The following MACC1 variants were observed in gnomAD, a reference collection of about 807,000 sequenced individuals.
The protein encoded by MACC1 is metastasis-associated in colon cancer protein 1.
In MACC1, 79 loss-of-function variants were observed where a neutral mutation model predicts 70.7. The observed-to-expected ratio is 1.12, with a 90% CI of 0.93 to 1.35. The LOEUF is 1.35. Ranked by LOEUF, MACC1 falls within the 40% of genes most tolerant of loss-of-function variation. MACC1 has a pLI of 0.00. For missense variants in MACC1, 1,106 were observed against 978.1 expected (o/e 1.13, Z -1.74); for synonymous variants, 361 against 347.2 (o/e 1.04, Z -0.44).
rs117748626 is a variant in MACC1, at chr7:20,214,379, T to C, written c.-218+2920A>G. On this transcript the variant is annotated intron_variant, in intron 1 of 6. Transcript: ENST00000400331. ...CACTTCCTAATTCTTGTGCTTGATA[T>C]TCCCCCTACTTCAGTGTTTCCCAAA... Among the ~76,000 whole-genome samples the C allele has an allele frequency of 4.8e-3, 732 of 152,308 alleles. 3 individuals are homozygous for C. The highest frequency in any genetic ancestry group is 0.034 in the Middle Eastern group (10 of 294).
intron 4 of MACC1, among the ~76,000 whole-genome samples, chr7:20,161,403 C>G (rs1056901197): frequency 2.0e-5 from 3 of 152,040 alleles, no homozygotes; most frequent in South Asian, 2.1e-4. Context: ...CCCTAACTCT[C>G]TTAAAACTTA....
At chr7:20,192,603 T>C (rs1363371208) in intron 1 of MACC1, among the ~76,000 whole-genome samples, 5 of 152,122 alleles carry the variant, frequency 3.3e-5, no homozygotes, top group Non-Finnish European at 7.4e-5. Context: ...AGTAGAAGAA[T>C]CACCCAGAGA....
chr7:20,189,287 C>A (rs954739493), intron 1 of MACC1, among the ~76,000 whole-genome samples: 1 of 152,128 alleles, frequency 6.6e-6, no homozygotes, highest in Admixed American at 6.6e-5. Flanking sequence ...TATTTTATGT[C>A]CTATCTCACC....
Position 20,137,359 on chromosome 7 carries a change from T to A in MACC1, c.*3587A>T, listed in dbSNP as rs1781732383. 6.6e-6 allele frequency: 1 copy of A among 152,224 alleles called. No individual in the cohort carries two copies. Among genetic ancestry groups the A allele is most frequent in the Non-Finnish European group, 1.5e-5 (1 of 68,034 alleles). The allele number at this position is 152,224 out of a possible 1,614,324, so 9.4% of individuals were successfully genotyped here. ...AGAACTTTATATAGTATGTTCTACATTACAGGCCATGAAAATGTGCTGTAT... is the reference window on the plus strand; with the variant it reads ...AGAACTTTATATAGTATGTTCTACAATACAGGCCATGAAAATGTGCTGTAT... On this transcript the variant is annotated 3_prime_UTR_variant, in exon 7 of 7. Coordinates refer to ENST00000400331, the MANE Select transcript of MACC1 (RefSeq NM_182762.4).
intron 1 of MACC1, among the ~76,000 whole-genome samples, chr7:20,190,097 C>T (rs532506031): frequency 3.9e-5 from 6 of 152,270 alleles, no homozygotes; most frequent in African/African-American, 1.4e-4. Flanking sequence ...CTAATTCTGT[C>T]ACAATGGAAT....
intron 1 of MACC1, among the ~76,000 whole-genome samples, chr7:20,199,825 CAG>C (rs376882158): frequency 5.5e-4 from 83 of 152,128 alleles, no homozygotes; most frequent in African/African-American, 2.0e-3. Flanking sequence ...AAAGTAAAAA[CAG>C]ATATCTTAAA....
intron 1 of MACC1, among the ~76,000 whole-genome samples, chr7:20,205,027 G>A (rs978243898): frequency 4.6e-5 from 7 of 151,830 alleles, no homozygotes; most frequent in African/African-American, 1.2e-4. Flanking sequence ...AGCAAGTTTC[G>A]GTAAATTTTT....
At chr7:20,193,609 C>T (rs1425901395) in intron 1 of MACC1, among the ~76,000 whole-genome samples, 2 of 152,124 alleles carry the variant, frequency 1.3e-5, no homozygotes, top group African/African-American at 4.8e-5. Flanking sequence ...TTATAAGAGA[C>T]ACCCTGTCAA....
chr7:20,160,757 T>C (rs774341444), intron 4 of MACC1, among the ~76,000 whole-genome samples: 5 of 152,092 alleles, frequency 3.3e-5, no homozygotes, highest in Non-Finnish European at 7.4e-5. Flanking sequence ...AAATATCAAA[T>C]ACATCTGTTA....
chr7:20,195,778 C>A (rs1313517648), intron 1 of MACC1, among the ~76,000 whole-genome samples: 1 of 152,116 alleles, frequency 6.6e-6, no homozygotes, highest in African/African-American at 2.4e-5. Flanking sequence ...CATCTTGAGG[C>A]CAATGCTTCT....
chr7:20,194,810 T>C (rs1046603461), intron 1 of MACC1, among the ~76,000 whole-genome samples: 16 of 152,362 alleles, frequency 1.1e-4, no homozygotes, highest in Non-Finnish European at 2.2e-4. Flanking sequence ...CCTAGTTTTA[T>C]GCCTAAATCA....
intron 1 of MACC1, among the ~76,000 whole-genome samples, chr7:20,191,071 A>G (rs377356359): frequency 7.2e-5 from 11 of 152,218 alleles, no homozygotes; most frequent in African/African-American, 2.4e-4. Context: ...CATATCTGCA[A>G]AAGACTAGCA....
intron 6 of MACC1, among the ~76,000 whole-genome samples, chr7:20,146,475 A>C (rs920511545): frequency 2.6e-5 from 4 of 152,208 alleles, no homozygotes; most frequent in Non-Finnish European, 5.9e-5. Context: ...AAAAAATTCT[A>C]AATTTTTTAA....
At chr7:20,202,862 CCTAGT>C (rs1186246767) in intron 1 of MACC1, among the ~76,000 whole-genome samples, 10 of 152,112 alleles carry the variant, frequency 6.6e-5, no homozygotes, top group African/African-American at 2.4e-4. Context: ...TTCAGTTATT[CCTAGT>C]CTAAATTCAT....
intron 1 of MACC1, chr7:20,198,675 C>T (rs1164687756): frequency 6.6e-6 from 1 of 152,194 alleles, no homozygotes; most frequent in Non-Finnish European, 1.5e-5. Context: ...CGCTTTCTAA[C>T]AAGGCAAGAT....
intron 2 of MACC1, among the ~76,000 whole-genome samples, chr7:20,169,313 G>A (rs368879107): frequency 6.6e-6 from 1 of 152,172 alleles, no homozygotes; most frequent in Non-Finnish European, 1.5e-5. Context: ...AAGAGTAGTT[G>A]GATATGACTT....
At chr7:20,155,669 C>G (rs1318554156) in intron 5 of MACC1, among the ~76,000 whole-genome samples, 2 of 152,140 alleles carry the variant, frequency 1.3e-5, no homozygotes, top group Admixed American at 1.3e-4. Context: ...GCAAGTAAAG[C>G]AACTATGAAA....
At chr7:20,177,138 G>A (rs368918158) in intron 1 of MACC1, among the ~76,000 whole-genome samples, 56 of 150,334 alleles carry the variant, frequency 3.7e-4, no homozygotes, top group African/African-American at 1.4e-3. Flanking sequence ...TAGATGGAAG[G>A]TATATAGGAT....
chr7:20,203,030 C>T (rs1294073169), intron 1 of MACC1, among the ~76,000 whole-genome samples: 2 of 152,180 alleles, frequency 1.3e-5, no homozygotes, highest in Non-Finnish European at 2.9e-5. Context: ...TTGTCCACCA[C>T]TGTGCTTTTA....
Sources: allele counts gnomAD v4.1 joint callset (sites outside exome capture counted in the v4.1 genomes callset), GRCh38; gene constraint gnomAD v4.1.1; transcripts MANE v1.5; gene names NCBI Gene and HGNC (gene_info 2026-07-23, HGNC 2026-07-21).